Variants in FAT3 observed in about 807,000 individuals in gnomAD.
FAT3 encodes the protein protocadherin Fat 3.
Under a neutral mutation model 310.2 loss-of-function variants are expected in FAT3, and 95 were observed. That is an observed-to-expected ratio of 0.31 (90% confidence interval 0.26 to 0.36). The LOEUF is 0.36. Among genes scored for constraint, FAT3 ranks in the 10% least tolerant of loss-of-function variants. The probability of loss-of-function intolerance (pLI) is 1.00; values close to 1 mark genes in which losing one functional copy is unlikely to be tolerated. For synonymous variants in FAT3, 2,314 were observed against 2,192.9 expected (o/e 1.06, Z -1.54); for missense variants, 5,408 against 5,715.6 (o/e 0.95, Z 1.74).
intron 7 of FAT3, among the ~76,000 whole-genome samples, chr11:92,781,420 G>A (rs2136134008): frequency 6.6e-6 from 1 of 152,094 alleles, no homozygotes; most frequent in East Asian, 1.9e-4. Flanking sequence ...TAAATCAGGT[G>A]TTATCATTAC....
At chr11:92,310,081 A>T (rs533630537) in intron 1 of FAT3, among the ~76,000 whole-genome samples, 21 of 152,124 alleles carry the variant, frequency 1.4e-4, no homozygotes, top group African/African-American at 5.1e-4. Context: ...TTGATTCATG[A>T]TGTTTATTTT....
chr11:92,866,776 C>T lies in FAT3; in HGVS notation c.11694C>T (p.Cys3898=), dbSNP rs1008240578. Residue 3898 remains cysteine, a synonymous_variant, in exon 22 of 28, where the codon TGC becomes TGT. Transcript: ENST00000525166. The stretch of plus-strand genomic sequence containing the variant: ...GCAAGCTGTGGTTCCAGCTGGACTG[C>T]GGCAGCGGCCCTGGAATCTTGGGCA... ...VDGKLWFQLD[C]GSGPGILGIS... is the part of the protein sequence containing the mutation. The T allele has an allele frequency of 6.8e-6, 11 of 1,613,442 alleles. No homozygotes were observed. Among genetic ancestry groups the T allele is most frequent in the Admixed American group, 1.7e-5 (1 of 59,990 alleles).
chr11:92,627,918 C>G (rs1457070732), intron 3 of FAT3, among the ~76,000 whole-genome samples: 3 of 152,140 alleles, frequency 2.0e-5, no homozygotes, highest in Non-Finnish European at 4.4e-5. Flanking sequence ...GGTGACAGAG[C>G]CCATGACTGG....
chr11:92,558,618 T>C (rs1013882435), intron 3 of FAT3, among the ~76,000 whole-genome samples: 1 of 152,188 alleles, frequency 6.6e-6, no homozygotes, highest in Non-Finnish European at 1.5e-5. Flanking sequence ...TAATTTGTTT[T>C]GTTTTATTTC....
In FAT3 at chr11:92,882,755, A is replaced by G. The variant is rs774849393; in HGVS notation, c.12299A>G (p.Asn4100Ser). 4 of 1,605,052 alleles carry G rather than the reference A, an allele frequency of 2.5e-6. No individual in the cohort carries two copies. Among genetic ancestry groups the G allele is most frequent in the Non-Finnish European group, 3.4e-6 (4 of 1,174,670 alleles). Reference sequence around the variant, plus strand: ...CGCCGCAGGTGTGAGGAGGACATCAATGAGTGCGAACGAGAGGAGTGTGAG... The same window carrying G: ...CGCCGCAGGTGTGAGGAGGACATCAGTGAGTGCGAACGAGAGGAGTGTGAG... ...LTGVTCEEDI[N>S]ECEREECENG... is the part of the protein sequence containing the mutation. Residue 4100 changes from asparagine (N) to serine (S), a missense_variant, in exon 24 of 28, where the codon AAT (asparagine) becomes AGT (serine). Transcript: ENST00000525166.
In FAT3 at chr11:92,469,379, G is replaced by A. The variant is rs76850351; in HGVS notation, c.3293-55255G>A. On this transcript the variant is annotated intron_variant, in intron 2 of 27. Transcript: ENST00000525166. The stretch of plus-strand genomic sequence containing the variant: ...CTGATTCGCCATCTGTCTCTTCTTG[G>A]CAAAACAAAGGAGAAATGGTTAGAT... 2.3e-4 allele frequency among the ~76,000 whole-genome samples: 35 copies of A among 152,202 alleles called. 1 individual carries two copies. In the East Asian group the frequency reaches 6.6e-3, roughly 29 times the overall value.
At chr11:92,302,786 GTGTTA>G (rs1947033108) in intron 1 of FAT3, among the ~76,000 whole-genome samples, 1 of 152,014 alleles carries the variant, frequency 6.6e-6, no homozygotes, top group Non-Finnish European at 1.5e-5. Flanking sequence ...TTTTCTGGTA[GTGTTA>G]TGTTAATAAG....
At chr11:92,430,959 C>T (rs1161930581) in intron 2 of FAT3, among the ~76,000 whole-genome samples, 4 of 152,030 alleles carry the variant, frequency 2.6e-5, no homozygotes, top group Non-Finnish European at 4.4e-5. Context: ...TGAATAGTGC[C>T]GCAATAAACA....
At chr11:92,276,760 C>A (rs1450591393) in intron 1 of FAT3, among the ~76,000 whole-genome samples, 1 of 152,148 alleles carries the variant, frequency 6.6e-6, no homozygotes, top group Non-Finnish European at 1.5e-5. Flanking sequence ...AATCCAGGAG[C>A]ATGAGAATAG....
chr11:92,398,302 A>G (rs11602893), intron 2 of FAT3, among the ~76,000 whole-genome samples: 1 of 152,004 alleles, frequency 6.6e-6, no homozygotes, highest in Non-Finnish European at 1.5e-5. Flanking sequence ...GGAGTTCAAG[A>G]CCAGCCTGGC....
intron 3 of FAT3, among the ~76,000 whole-genome samples, chr11:92,531,663 C>G (rs1452308985): frequency 1.3e-5 from 2 of 151,704 alleles, no homozygotes; most frequent in African/African-American, 4.8e-5. Context: ...TGTGGTATTC[C>G]CAGATAACCA....
chr11:92,655,914 T>C (rs528962059), intron 3 of FAT3, among the ~76,000 whole-genome samples: 5 of 152,238 alleles, frequency 3.3e-5, no homozygotes, highest in Non-Finnish European at 7.3e-5. Flanking sequence ...CATTTAGTCC[T>C]CATTTCATAA....
At chr11:92,654,808 A>T (rs1222668908) in intron 3 of FAT3, among the ~76,000 whole-genome samples, 1 of 152,208 alleles carries the variant, frequency 6.6e-6, no homozygotes, top group African/African-American at 2.4e-5. Context: ...TTTTGAAAGA[A>T]CAAGTCAGAT....
Position 92,226,050 on chromosome 11 carries a change from C to T in FAT3, c.-18+876C>T, listed in dbSNP as rs531205983. Among the ~76,000 whole-genome samples, 6 of 152,308 alleles carry T rather than the reference C, an allele frequency of 3.9e-5. No homozygotes were observed. In the East Asian group the frequency reaches 9.7e-4, roughly 25 times the overall value. On this transcript the variant is annotated intron_variant, in intron 1 of 27. Transcript: ENST00000525166. ...ACCAGCTCCGAGCTCAGGCCCCACT[C>T]CCGGGCGGTTCGGGACGAATCCCCT...
intron 1 of FAT3, among the ~76,000 whole-genome samples, chr11:92,345,042 A>T (rs1477745434): frequency 6.6e-6 from 1 of 152,166 alleles, no homozygotes; most frequent in East Asian, 1.9e-4. Context: ...TTTCCTAAAG[A>T]GTATTTTAGT....
At chr11:92,416,031 C>G (rs1487792328) in intron 2 of FAT3, among the ~76,000 whole-genome samples, 1 of 129,924 alleles carries the variant, frequency 7.7e-6, no homozygotes, top group African/African-American at 3.0e-5. Context: ...CCACGTGATT[C>G]AGAGCCAACC....
chr11:92,886,824 T>G, intron 24 of FAT3, 176 bp from the exon 25 acceptor site: 1 of 592,010 alleles, frequency 1.7e-6, no homozygotes, highest in South Asian at 2.1e-5. Flanking sequence ...AATCACTTGA[T>G]TGACAGAACT....
At chr11:92,625,617 A>G (rs998409011) in intron 3 of FAT3, among the ~76,000 whole-genome samples, 4 of 152,238 alleles carry the variant, frequency 2.6e-5, no homozygotes, top group African/African-American at 7.2e-5. Flanking sequence ...CAGATGCCAC[A>G]CTGATGACTC....
intron 2 of FAT3, among the ~76,000 whole-genome samples, chr11:92,405,134 A>G (rs1950109134): frequency 6.6e-6 from 1 of 151,660 alleles, no homozygotes; most frequent in Non-Finnish European, 1.5e-5. Flanking sequence ...TTAATATACC[A>G]CCCTATCCTG....
Sources: gnomAD v4.1 joint callset for allele counts (sites outside exome capture counted in the v4.1 genomes callset) on GRCh38, gnomAD v4.1.1 for gene constraint, MANE v1.5 for transcripts, NCBI Gene and HGNC (gene_info 2026-07-23, HGNC 2026-07-21) for gene names.